The following ADAM19 variants were observed in gnomAD, a reference collection of about 807,000 sequenced individuals.
ADAM19 encodes the protein disintegrin and metalloproteinase domain-containing protein 19.
Under a neutral mutation model 114.7 loss-of-function variants are expected in ADAM19, and 65 were observed. That is an observed-to-expected ratio of 0.57 (90% confidence interval 0.46 to 0.70). ADAM19 has a LOEUF of 0.70. ADAM19 is among the 30% of genes least tolerant of loss of function. The pLI, the probability that ADAM19 is intolerant of heterozygous loss-of-function variation, is 0.00. For synonymous variants in ADAM19, 466 were observed against 460.5 expected (o/e 1.01, Z -0.15); for missense variants, 1,063 against 1,204.7 (o/e 0.88, Z 1.74).
chr5:157,573,548 C>G (rs1757888963), intron 1 of ADAM19, among the ~76,000 whole-genome samples: 1 of 152,174 alleles, frequency 6.6e-6, no homozygotes, highest in East Asian at 1.9e-4. Flanking sequence ...GAATTTGAGA[C>G]TAGCCTGGCC....
intron 11 of ADAM19, 121 bp from the exon 12 acceptor site, chr5:157,503,101 T>C: frequency 7.7e-6 from 6 of 777,752 alleles, no homozygotes; most frequent in East Asian, 2.6e-5. Flanking sequence ...CAGACCCCCA[T>C]TGTCTCACAC....
intron 1 of ADAM19, among the ~76,000 whole-genome samples, chr5:157,571,788 T>A (rs1478712455): frequency 5.3e-5 from 8 of 152,022 alleles, no homozygotes; most frequent in African/African-American, 1.9e-4. Context: ...AATGAAGCGG[T>A]GGGATTCTGG....
chr5:157,511,013 C>T lies in ADAM19; in HGVS notation c.739-1546G>A, dbSNP rs143771498. ...AAACCAGAGATCCTGAAATTCTATA[C>T]CCAAGATCTGACTCGACCTCCTCGA... On this transcript the variant is annotated intron_variant, in intron 8 of 22. Coordinates refer to ENST00000257527, the MANE Select transcript of ADAM19 (RefSeq NM_033274.5). 1.8e-4 allele frequency among the ~76,000 whole-genome samples: 27 copies of T among 152,270 alleles called. 1 individual carries two copies. In the East Asian group the frequency reaches 5.2e-3, roughly 29 times the overall value.
At chr5:157,522,764 C>T (rs913436138) in intron 5 of ADAM19, among the ~76,000 whole-genome samples, 6 of 151,770 alleles carry the variant, frequency 4.0e-5, no homozygotes, top group African/African-American at 7.3e-5. Flanking sequence ...CCAGCCTGGG[C>T]GACAGAGCAA....
At chr5:157,499,971 G>A (rs1405360821) in intron 12 of ADAM19, among the ~76,000 whole-genome samples, 1 of 150,782 alleles carries the variant, frequency 6.6e-6, no homozygotes, top group Non-Finnish European at 1.5e-5. Flanking sequence ...TAGCGATTGG[G>A]TTTCGTCATG....
chr5:157,548,487 T>C (rs896489562), intron 3 of ADAM19, among the ~76,000 whole-genome samples: 2 of 152,136 alleles, frequency 1.3e-5, no homozygotes, highest in African/African-American at 2.4e-5. Context: ...TCAAGCCCAG[T>C]ACACTGGGAA....
At chr5:157,563,647 G>T (rs1757573914) in intron 3 of ADAM19, among the ~76,000 whole-genome samples, 1 of 152,192 alleles carries the variant, frequency 6.6e-6, no homozygotes, top group Non-Finnish European at 1.5e-5. Flanking sequence ...AATGTTTTCA[G>T]AGTCCCCCGG....
At chr5:157,549,352 A>G (rs1318493421) in intron 3 of ADAM19, among the ~76,000 whole-genome samples, 2 of 152,216 alleles carry the variant, frequency 1.3e-5, no homozygotes, top group African/African-American at 4.8e-5. Flanking sequence ...CAACCTCAAC[A>G]TATCACTCTT....
At chr5:157,518,356 A>G (rs1195459846) in intron 7 of ADAM19, among the ~76,000 whole-genome samples, 1 of 152,000 alleles carries the variant, frequency 6.6e-6, no homozygotes, top group Non-Finnish European at 1.5e-5. Context: ...CCCCCCAACT[A>G]TGTTTAAAAT....
At chr5:157,572,061 C>A (rs896251119) in intron 1 of ADAM19, among the ~76,000 whole-genome samples, 1 of 152,128 alleles carries the variant, frequency 6.6e-6, no homozygotes, top group Non-Finnish European at 1.5e-5. Context: ...CTCAAGGCAA[C>A]CCTGGGAAGT....
rs111599293 is a variant in ADAM19, at chr5:157,479,775, G to C, written c.*1174C>G. ...GTGATCTCGGGCAGCTCCCAGAAAT[G>C]GGTCTGTTCTCTGCTCAGAGGGCAA... On this transcript the variant is annotated 3_prime_UTR_variant, in exon 23 of 23. Coordinates refer to ENST00000257527, the MANE Select transcript of ADAM19 (RefSeq NM_033274.5). 2.9e-4 allele frequency: 283 copies of C among 985,596 alleles called. 1 individual carries two copies. In the East Asian group the frequency reaches 8.8e-3, roughly 31 times the overall value. 61.1% of individuals were successfully genotyped at this position (985,596 alleles called of 1,614,324 possible).
intron 5 of ADAM19, among the ~76,000 whole-genome samples, chr5:157,523,427 C>G (rs949933651): frequency 1.3e-5 from 2 of 152,112 alleles, no homozygotes; most frequent in Non-Finnish European, 2.9e-5. Context: ...GGGGTGGATC[C>G]CTCATGAATG....
At position 157,537,998 on chromosome 5, in the gene ADAM19, A is replaced by G; in HGVS notation, c.252-7T>C. 6.2e-7 allele frequency: 1 copy of G among 1,612,172 alleles called. No homozygotes were observed. Among genetic ancestry groups the G allele is most frequent in the South Asian group, 1.1e-5 (1 of 91,048 alleles). On this transcript the variant is annotated splice_region_variant and splice_polypyrimidine_tract_variant and intron_variant, in intron 3 of 22. Transcript: ENST00000257527. ...GGAAGGAGCAAAAAGTTGCCTGCAA[A>G]AAATAAAAAGAGACATTTATATCAT...
At chr5:157,496,853 T>C in intron 14 of ADAM19, 41 bp downstream of exon 14, 1 of 1,488,830 alleles carries the variant, frequency 6.7e-7, no homozygotes, top group Non-Finnish European at 8.9e-7. Flanking sequence ...GGCTGGGAAG[T>C]GGTGGGCTGG....
chr5:157,546,310 G>A (rs565530633), intron 3 of ADAM19, among the ~76,000 whole-genome samples: 4 of 152,298 alleles, frequency 2.6e-5, no homozygotes, highest in East Asian at 1.9e-4. Context: ...ATATGTGCAC[G>A]CACACGTGTG....
chr5:157,518,817 C>G lies in ADAM19; in HGVS notation c.666+6G>C. On this transcript the variant is annotated splice_donor_region_variant and intron_variant, in intron 7 of 22. Transcript: ENST00000257527. ...TTTTCTGCAAGACCCATTGCCTCCCCCTTACCTCTAAATAATCAGCCACGA... is the reference window on the plus strand; with the variant it reads ...TTTTCTGCAAGACCCATTGCCTCCCGCTTACCTCTAAATAATCAGCCACGA... The G allele has an allele frequency of 6.2e-7, 1 of 1,612,662 alleles. No homozygotes were observed. The highest frequency in any genetic ancestry group is 2.2e-5 in the East Asian group (1 of 44,882).
At position 157,507,041 on chromosome 5, in the gene ADAM19, C is replaced by G; in HGVS notation, c.990+15G>C. The G allele has an allele frequency of 1.2e-6, 2 of 1,611,944 alleles. No homozygotes were observed. The highest frequency in any genetic ancestry group is 1.7e-6 in the Non-Finnish European group (2 of 1,178,324). On this transcript the variant is annotated intron_variant, in intron 10 of 22. Transcript: ENST00000257527. Reference sequence around the variant, plus strand: ...CAGCGCCTTCTGCAGCGCACACACACGGGCTGAGACTCACCATGTTGACTC... The same window carrying G: ...CAGCGCCTTCTGCAGCGCACACACAGGGGCTGAGACTCACCATGTTGACTC...
In ADAM19 at chr5:157,491,618, CA is replaced by C. The variant is rs1224691818; in HGVS notation, c.2091del (p.Glu698ArgfsTer7). 1 of 1,506,760 alleles carries C rather than the reference CA, an allele frequency of 6.6e-7. No individual in the cohort carries two copies. The highest frequency in any genetic ancestry group is 8.9e-7 in the Non-Finnish European group (1 of 1,126,710). The allele number at this position is 1,506,760 out of a possible 1,614,324, so 93.3% of individuals were successfully genotyped here. On this transcript the variant is annotated frameshift_variant, in exon 18 of 23. Coordinates refer to ENST00000257527, the MANE Select transcript of ADAM19 (RefSeq NM_033274.5). LOFTEE classifies it high-confidence loss of function. ...GGSIDSGPMPPESVGPVVAGV... is the reference protein window; with the variant it reads ...GGSIDSGPMPXESVGPVVAGV... The stretch of plus-strand genomic sequence containing the variant: ...GCCCCAGCAGGCTGGCACTCACTCT[CA>C]GGGGGCATAGGCCCACTGTCGATAC...
chr5:157,535,078 T>TA (rs1756726332), intron 4 of ADAM19, among the ~76,000 whole-genome samples: 1 of 152,096 alleles, frequency 6.6e-6, no homozygotes, highest in Admixed American at 6.5e-5. Flanking sequence ...TGAATTCCCA[T>TA]AAAAATTAGT....
Sources: gnomAD v4.1 joint callset for allele counts (sites outside exome capture counted in the v4.1 genomes callset) on GRCh38, gnomAD v4.1.1 for gene constraint, MANE v1.5 for transcripts, NCBI Gene and HGNC (gene_info 2026-07-23, HGNC 2026-07-21) for gene names.